The following SLC5A5 variants were observed in gnomAD, a reference collection of about 807,000 sequenced individuals.
The protein encoded by SLC5A5 is sodium/iodide cotransporter.
In SLC5A5, 56 loss-of-function variants were observed where a neutral mutation model predicts 68.6. That is an observed-to-expected ratio of 0.82 (90% confidence interval 0.66 to 1.02). The LOEUF (loss-of-function observed/expected upper bound fraction) is 1.02. Among genes scored for constraint, SLC5A5 ranks in the 50% least tolerant of loss-of-function variants. The pLI is 0.00. For missense variants in SLC5A5, 807 were observed against 859.8 expected, an observed-to-expected ratio of 0.94 and a Z score of 0.77; for synonymous variants, 398 against 373.0, an observed-to-expected ratio of 1.07 and a Z score of -0.77.
intron 7 of SLC5A5, among the ~76,000 whole-genome samples, chr19:17,880,275 C>T (rs968390948): frequency 2.7e-5 from 4 of 149,852 alleles, no homozygotes; most frequent in Admixed American, 1.3e-4. Context: ...AGTGCAACGG[C>T]GCGATCTCCG....
chr19:17,891,018 G>T lies in SLC5A5; in HGVS notation c.1767+17G>T. On this transcript the variant is annotated intron_variant, in intron 14 of 14. Coordinates refer to ENST00000222248, the MANE Select transcript of SLC5A5 (RefSeq NM_000453.3). ...TTGGTCAAGGTCAGTCTTAGGCTGGGTTCCCAGATCTAGAGGCAGCCAAGT... is the reference window on the plus strand; with the variant it reads ...TTGGTCAAGGTCAGTCTTAGGCTGGTTTCCCAGATCTAGAGGCAGCCAAGT... The T allele has an allele frequency of 1.3e-6, 2 of 1,549,674 alleles. No homozygotes were observed. Among genetic ancestry groups the T allele is most frequent in the Non-Finnish European group, 1.8e-6 (2 of 1,121,384 alleles).
intron 13 of SLC5A5, among the ~76,000 whole-genome samples, chr19:17,889,477 A>G (rs2030076872): frequency 6.6e-6 from 1 of 151,974 alleles, no homozygotes; most frequent in Admixed American, 6.6e-5. Flanking sequence ...GGAGAGAAAG[A>G]GAGAGAGAAA....
chr19:17,886,862 C>T (rs2029941759), intron 12 of SLC5A5, among the ~76,000 whole-genome samples: 1 of 152,078 alleles, frequency 6.6e-6, no homozygotes, highest in African/African-American at 2.4e-5. Flanking sequence ...TATTCAAACC[C>T]TTTGCCCATC....
intron 4 of SLC5A5, among the ~76,000 whole-genome samples, chr19:17,875,020 A>G (rs906536269): frequency 6.6e-6 from 1 of 152,076 alleles, no homozygotes; most frequent in African/African-American, 2.4e-5. Context: ...AGGGAGGGCT[A>G]CCTTTGGCTG....
intron 14 of SLC5A5, among the ~76,000 whole-genome samples, chr19:17,892,403 A>C: frequency 6.6e-6 from 1 of 152,054 alleles, no homozygotes. Flanking sequence ...TGGGAGACTT[A>C]GGCAGGTGCA....
At chr19:17,878,503 T>C (rs2094312927) in intron 7 of SLC5A5, among the ~76,000 whole-genome samples, 1 of 147,854 alleles carries the variant, frequency 6.8e-6, no homozygotes, top group Admixed American at 6.7e-5. Flanking sequence ...AGACTCTGTC[T>C]CAAAAAAATA....
chr19:17,892,697 A>AGAGG, intron 14 of SLC5A5, among the ~76,000 whole-genome samples: 1 of 146,804 alleles, frequency 6.8e-6, no homozygotes, highest in Non-Finnish European at 1.5e-5. Context: ...AGAGAGAGAG[A>AGAGG]GCAAGCTAAA....
chr19:17,890,685 C>A (rs1599933898), intron 13 of SLC5A5, among the ~76,000 whole-genome samples: 1 of 152,180 alleles, frequency 6.6e-6, no homozygotes, highest in Non-Finnish European at 1.5e-5. Flanking sequence ...CCATACCTGG[C>A]CTCACTGATG....
chr19:17,874,320 C>T, intron 2 of SLC5A5, 117 bp downstream of exon 2: 3 of 526,944 alleles, frequency 5.7e-6, no homozygotes, highest in Non-Finnish European at 9.9e-6. Flanking sequence ...CCCGTTCTGA[C>T]CCCGCCCCCA....
chr19:17,887,190 G>A (rs545543843), intron 12 of SLC5A5, among the ~76,000 whole-genome samples: 1 of 152,186 alleles, frequency 6.6e-6, no homozygotes, highest in South Asian at 2.1e-4. Context: ...TGTATTCTGG[G>A]TACAAGCCCC....
intron 12 of SLC5A5, among the ~76,000 whole-genome samples, chr19:17,887,896 A>G (rs1307741786): frequency 1.3e-5 from 2 of 152,044 alleles, no homozygotes; most frequent in South Asian, 2.1e-4. Context: ...GTGAGCCACC[A>G]CGCCCAGCCA....
rs1385730230 is a variant in SLC5A5, at chr19:17,874,168, C to A, written c.388C>A (p.Arg130=). 6.2e-7 allele frequency: 1 copy of A among 1,612,256 alleles called. No homozygotes were observed. The highest frequency in any genetic ancestry group is 1.1e-5 in the South Asian group (1 of 91,050). The change falls in exon 2 of 15, where the codon CGG becomes AGG. Residue 130 remains arginine (R), a synonymous_variant. Transcript: ENST00000222248. ...YLEMRFSRAV[R]LCGTLQYIVA... ...GGAGATGCGCTTCAGCCGCGCAGTGCGGCTCTGCGGGACTTTGCAGTACAT... is the reference window on the plus strand; with the variant it reads ...GGAGATGCGCTTCAGCCGCGCAGTGAGGCTCTGCGGGACTTTGCAGTACAT...
chr19:17,880,057 C>G (rs1468933550), intron 7 of SLC5A5, among the ~76,000 whole-genome samples: 1 of 151,936 alleles, frequency 6.6e-6, no homozygotes, highest in Non-Finnish European at 1.5e-5. Context: ...CGCCACCATG[C>G]CCAGCTAATT....
At chr19:17,874,093 T>G in intron 1 of SLC5A5, 45 bp from the exon 2 acceptor site, 1 of 1,446,768 alleles carries the variant, frequency 6.9e-7, no homozygotes, top group South Asian at 1.1e-5. Flanking sequence ...AGGCCTCGGC[T>G]CCTGGGTAAG....
chr19:17,893,824 AC>A lies in SLC5A5; in HGVS notation c.1884del (p.Cys629ValfsTer75). 6.3e-7 allele frequency: 1 copy of A among 1,599,566 alleles called. No homozygotes were observed. ...QKELEGAGSW[T>X]PCVGHDGGRD... ...GGAGCTGGAGGGGGCTGGCTCTTGG[AC>A]CCCCTGTGTTGGACATGATGGTGGT... On this transcript the variant is annotated frameshift_variant, in exon 15 of 15. Transcript: ENST00000222248. LOFTEE classifies it low-confidence loss of function (END_TRUNC).
intron 5 of SLC5A5, 49 bp downstream of exon 5, chr19:17,876,155 T>C (rs373407842): frequency 1.7e-4 from 271 of 1,596,564 alleles, no homozygotes; most frequent in Non-Finnish European, 2.3e-4. Flanking sequence ...CTGGGACCAG[T>C]GCGGTGGCTC....
Position 17,874,199 on chromosome 19 carries a change from C to T in SLC5A5, c.419C>T (p.Ala140Val), listed in dbSNP as rs2094301019. Residue 140 changes from alanine (A) to valine (V), a missense_variant, in exon 2 of 15, where the codon GCC becomes GTC. Ala to Val is a moderately conservative substitution (Grantham distance 64, BLOSUM62 0). Transcript: ENST00000222248. ...TGCGGGACTTTGCAGTACATTGTAG[C>T]CACGGTGAGTGGCCTCGGCCCCGCC... ...RLCGTLQYIV[A>V]TMLYTGIVIY... 1.2e-6 allele frequency: 2 copies of T among 1,607,478 alleles called. No individual in the cohort carries two copies. The highest frequency in any genetic ancestry group is 8.5e-7 in the Non-Finnish European group (1 of 1,174,650).
Position 17,894,013 on chromosome 19 carries a change from C to A in SLC5A5, c.*136C>A. On this transcript the variant is annotated 3_prime_UTR_variant, in exon 15 of 15. Coordinates refer to ENST00000222248, the MANE Select transcript of SLC5A5 (RefSeq NM_000453.3). ...CAAATGAGTTCAGGACTACAATACCCTACCCTATGGGGAGGCCCTGCCTCC... is the reference window on the plus strand; with the variant it reads ...CAAATGAGTTCAGGACTACAATACCATACCCTATGGGGAGGCCCTGCCTCC... 1.1e-6 allele frequency: 1 copy of A among 872,204 alleles called. No homozygotes were observed. Among genetic ancestry groups the A allele is most frequent in the Non-Finnish European group, 1.8e-6 (1 of 546,188 alleles). 54.0% of individuals were successfully genotyped at this position (872,204 alleles called of 1,614,324 possible). A position where few individuals can be genotyped will look rare whatever the true frequency, so the allele number is the denominator to read the frequency against.
intron 7 of SLC5A5, among the ~76,000 whole-genome samples, chr19:17,878,690 C>T (rs77184138): frequency 0.16 from 23,897 of 151,366 alleles, 2,164 homozygotes; most frequent in Non-Finnish European, 0.2. Context: ...GAAACCATGA[C>T]CCAGGCCGGG....
Sources: gnomAD v4.1 joint callset for allele counts (sites outside exome capture counted in the v4.1 genomes callset) on GRCh38, gnomAD v4.1.1 for gene constraint, MANE v1.5 for transcripts, NCBI Gene and HGNC (gene_info 2026-07-23, HGNC 2026-07-21) for gene names.